Variants in DENND1B observed in about 807,000 individuals in gnomAD.
DENND1B encodes the protein DENN domain-containing protein 1B.
Under a neutral mutation model 90.1 loss-of-function variants are expected in DENND1B, and 59 were observed. That is an observed-to-expected ratio of 0.65 (90% confidence interval 0.53 to 0.81). The LOEUF (loss-of-function observed/expected upper bound fraction) is 0.81. Among genes scored for constraint, DENND1B ranks in the 40% least tolerant of loss-of-function variants. DENND1B has a pLI of 0.00. For missense variants in DENND1B, 862 were observed against 912.6 expected (o/e 0.94, Z 0.71); for synonymous variants, 337 against 324.6 (o/e 1.04, Z -0.41).
At chr1:197,544,464 T>C (rs1670566786) in intron 18 of DENND1B, among the ~76,000 whole-genome samples, 1 of 152,172 alleles carries the variant, frequency 6.6e-6, no homozygotes, top group Non-Finnish European at 1.5e-5. Context: ...GGTTGGGTTT[T>C]GAAGGGTCTT....
chr1:197,648,063 C>T (rs901608518), intron 7 of DENND1B, among the ~76,000 whole-genome samples: 5 of 151,750 alleles, frequency 3.3e-5, no homozygotes, highest in Non-Finnish European at 7.4e-5. Flanking sequence ...AACTATTATA[C>T]ATAGGAACAG....
At chr1:197,744,102 G>C (rs1399536944) in intron 2 of DENND1B, among the ~76,000 whole-genome samples, 1 of 151,950 alleles carries the variant, frequency 6.6e-6, no homozygotes, top group Non-Finnish European at 1.5e-5. Context: ...CGCCACTGAA[G>C]TCTTAAATCC....
intron 10 of DENND1B, among the ~76,000 whole-genome samples, chr1:197,633,721 T>C (rs537343743): frequency 8.8e-4 from 134 of 152,268 alleles, no homozygotes; most frequent in African/African-American, 3.1e-3. Flanking sequence ...TTGCAGCACT[T>C]GAAGCCTTTC....
At chr1:197,671,125 A>G (rs578164096) in intron 5 of DENND1B, among the ~76,000 whole-genome samples, 1 of 152,266 alleles carries the variant, frequency 6.6e-6, no homozygotes, top group South Asian at 2.1e-4. Flanking sequence ...TTTATACCAA[A>G]GTTTTCTTTG....
At chr1:197,603,519 T>G (rs1456140691) in intron 13 of DENND1B, among the ~76,000 whole-genome samples, 2 of 151,190 alleles carry the variant, frequency 1.3e-5, no homozygotes, top group African/African-American at 4.8e-5. Context: ...TTAGAGACCG[T>G]TAAGCAATAC....
intron 15 of DENND1B, among the ~76,000 whole-genome samples, chr1:197,572,303 C>A (rs545130126): frequency 7.2e-5 from 11 of 152,294 alleles, no homozygotes; most frequent in African/African-American, 2.6e-4. Context: ...CCCACAGAGC[C>A]TTGCTCACTG....
At chr1:197,551,135 C>A (rs1015437472) in intron 16 of DENND1B, among the ~76,000 whole-genome samples, 2 of 151,018 alleles carry the variant, frequency 1.3e-5, no homozygotes, top group African/African-American at 2.4e-5. Flanking sequence ...TGGATATCTT[C>A]TAATTAATAG....
chr1:197,526,434 A>G (rs1669134011), intron 20 of DENND1B, among the ~76,000 whole-genome samples: 1 of 152,154 alleles, frequency 6.6e-6, no homozygotes, highest in African/African-American at 2.4e-5. Context: ...AAAAAAGGCA[A>G]CAGGGAAAAA....
chr1:197,626,212 A>T (rs1272412994), intron 10 of DENND1B, among the ~76,000 whole-genome samples: 1 of 152,072 alleles, frequency 6.6e-6, no homozygotes, highest in Non-Finnish European at 1.5e-5. Flanking sequence ...AAATCAACAG[A>T]ATATACATTT....
chr1:197,605,835 T>C (rs1353953659), intron 13 of DENND1B: 1 of 151,182 alleles, frequency 6.6e-6, no homozygotes, highest in Non-Finnish European at 1.5e-5. Flanking sequence ...TTTTACGGTA[T>C]TATGGGCATA....
chr1:197,652,126 C>A, intron 7 of DENND1B, 109 bp downstream of exon 7: 1 of 827,332 alleles, frequency 1.2e-6, no homozygotes, highest in Non-Finnish European at 2.0e-6. Flanking sequence ...ATGAAGTCTT[C>A]CTGGAAGCAG....
intron 3 of DENND1B, among the ~76,000 whole-genome samples, chr1:197,678,570 C>T (rs1274731571): frequency 6.6e-6 from 1 of 152,108 alleles, no homozygotes; most frequent in Non-Finnish European, 1.5e-5. Flanking sequence ...GATTCCCGAA[C>T]AGCACTTAGA....
intron 5 of DENND1B, among the ~76,000 whole-genome samples, chr1:197,663,864 A>G (rs1240941084): frequency 6.6e-6 from 1 of 152,098 alleles, no homozygotes; most frequent in Non-Finnish European, 1.5e-5. Context: ...CCGACTACTC[A>G]CTTTCTTATC....
At chr1:197,638,316 G>GTAAATTCAT (rs1679969299) in intron 10 of DENND1B, among the ~76,000 whole-genome samples, 1 of 152,172 alleles carries the variant, frequency 6.6e-6, no homozygotes, top group African/African-American at 2.4e-5. Context: ...CTTTCTGAGG[G>GTAAATTCAT]TGAATTTACT....
chr1:197,735,574 A>G (rs1485782824), intron 2 of DENND1B: 3 of 1,613,992 alleles, frequency 1.9e-6, no homozygotes, highest in African/African-American at 2.7e-5. Flanking sequence ...TATGAATTCT[A>G]AAGGGTATTA....
At chr1:197,698,617 C>A (rs1658696614) in intron 3 of DENND1B, among the ~76,000 whole-genome samples, 1 of 145,266 alleles carries the variant, frequency 6.9e-6, no homozygotes, top group Non-Finnish European at 1.5e-5. Flanking sequence ...AAAAAAAAAT[C>A]AATGAACCCA....
At chr1:197,539,734 G>A (rs371580544) in intron 20 of DENND1B, among the ~76,000 whole-genome samples, 3 of 151,742 alleles carry the variant, frequency 2.0e-5, no homozygotes, top group Non-Finnish European at 2.9e-5. Flanking sequence ...ACTGGACTAT[G>A]AGATCTATGA....
intron 10 of DENND1B, among the ~76,000 whole-genome samples, chr1:197,627,086 T>C (rs1168070113): frequency 3.9e-5 from 6 of 152,160 alleles, no homozygotes; most frequent in South Asian, 2.1e-4. Flanking sequence ...CACAGCCGAA[T>C]TCTACCAGAG....
chr1:197,569,161 C>T, intron 15 of DENND1B, among the ~76,000 whole-genome samples: 1 of 151,660 alleles, frequency 6.6e-6, no homozygotes, highest in East Asian at 1.9e-4. Context: ...TACAAATGGC[C>T]AACAGTGAAA....
Sources: gnomAD v4.1 joint callset for allele counts (sites outside exome capture counted in the v4.1 genomes callset) on GRCh38, gnomAD v4.1.1 for gene constraint, MANE v1.5 for transcripts, NCBI Gene and HGNC (gene_info 2026-07-23, HGNC 2026-07-21) for gene names.